Variants in CCDC80 observed in about 807,000 individuals in gnomAD.
CCDC80 encodes the protein coiled-coil domain containing 80.
A neutral mutation model predicts 78.7 loss-of-function variants in CCDC80; 49 were observed. The observed-to-expected ratio is 0.62, with a 90% CI of 0.50 to 0.79. The LOEUF is 0.79. Among genes scored for constraint, CCDC80 ranks in the 30% least tolerant of loss-of-function variants. The pLI is 0.00. For missense variants in CCDC80, 1,205 were observed against 1,198.6 expected (o/e 1.01, Z -0.08); for synonymous variants, 488 against 447.0 (o/e 1.09, Z -1.16).
In CCDC80 at chr3:112,638,096, A is replaced by G; in HGVS notation, c.1810T>C (p.Phe604Leu). 6.2e-7 allele frequency: 1 copy of G among 1,614,064 alleles called. No individual in the cohort carries two copies. Among genetic ancestry groups the G allele is most frequent in the African/African-American group, 1.3e-5 (1 of 75,016 alleles). Residue 604 changes from phenylalanine (F) to leucine (L), a missense_variant, in exon 2 of 8, where the codon TTC becomes CTC. Transcript: ENST00000206423. ...ACTGACTTCTTGGGACTCTGCGTGA[A>G]GTGTTTGTTGGTGGGTTTCTGATAG... ...DGYQKPTNKH[F>L]TQSPKKSVAD...
At chr3:112,615,134 A>C (rs1935708344) in intron 5 of CCDC80, among the ~76,000 whole-genome samples, 1 of 152,208 alleles carries the variant, frequency 6.6e-6, no homozygotes, top group Admixed American at 6.5e-5. Flanking sequence ...ATAGCTAGTA[A>C]GTTACAGACT....
intron 5 of CCDC80, among the ~76,000 whole-genome samples, chr3:112,611,704 G>A (rs1398185454): frequency 2.6e-5 from 4 of 152,176 alleles, no homozygotes; most frequent in African/African-American, 9.7e-5. Context: ...AAAGAGAGAA[G>A]GTATGCATCT....
chr3:112,616,458 AAAAAC>A (rs1283967815), intron 5 of CCDC80, among the ~76,000 whole-genome samples: 11 of 151,632 alleles, frequency 7.3e-5, no homozygotes, highest in Non-Finnish European at 1.3e-4. Flanking sequence ...AGAAAAAAAA[AAAAAC>A]AGAGAAAAGA....
chr3:112,606,398 TTTTTGTTTTGTTTTGTTTTG>T (rs142395604), intron 7 of CCDC80, among the ~76,000 whole-genome samples: 11 of 147,924 alleles, frequency 7.4e-5, no homozygotes, highest in Middle Eastern at 3.5e-3. Context: ...CAAGAGTCTT[TTTTTGTTTTGTTTTGTTTTG>T]TTTTGTTTTG....
At chr3:112,612,692 G>A (rs978001697) in intron 5 of CCDC80, among the ~76,000 whole-genome samples, 27 of 152,148 alleles carry the variant, frequency 1.8e-4, no homozygotes, top group African/African-American at 6.0e-4. Context: ...CCCACTCTTT[G>A]GGGTTTCTGT....
rs761930232 is a variant in CCDC80, at chr3:112,639,267, G to A, written c.639C>T (p.Pro213=). 2.5e-6 allele frequency: 4 copies of A among 1,614,008 alleles called. No homozygotes were observed. In the African/African-American group the frequency reaches 4.0e-5, roughly 16 times the overall value. Residue 213 remains proline (P), a synonymous_variant, in exon 2 of 8, where the codon CCC becomes CCT. Coordinates refer to ENST00000206423, the MANE Select transcript of CCDC80 (RefSeq NM_199511.3). ...ITSEGQILEQ[P]LDPSLIPKLM... is the part of the protein sequence containing the mutation. Reference sequence around the variant, plus strand: ...GCTTAGGGATGAGGCTAGGGTCCAGGGGCTGCTCCAGGATCTGGCCCTCGC... The same window carrying A: ...GCTTAGGGATGAGGCTAGGGTCCAGAGGCTGCTCCAGGATCTGGCCCTCGC...
In CCDC80 at chr3:112,638,110, G is replaced by A; in HGVS notation, c.1796C>T (p.Pro599Leu). The A allele has an allele frequency of 6.2e-7, 1 of 1,614,064 alleles. No homozygotes were observed. Among genetic ancestry groups the A allele is most frequent in the South Asian group, 1.1e-5 (1 of 91,070 alleles). ...GKTEQDGYQK[P>L]TNKHFTQSPK... ...ACTCTGCGTGAAGTGTTTGTTGGTG[G>A]GTTTCTGATAGCCATCCTGTTCTGT... Residue 599 changes from proline (P) to leucine (L), a missense_variant, in exon 2 of 8, where the codon CCC (proline) becomes CTC (leucine). Pro to Leu is a moderately conservative substitution (Grantham distance 98, BLOSUM62 -3). Coordinates refer to ENST00000206423, the MANE Select transcript of CCDC80 (RefSeq NM_199511.3).
chr3:112,623,086 T>C (rs1438836749), intron 3 of CCDC80, among the ~76,000 whole-genome samples: 1 of 152,174 alleles, frequency 6.6e-6, no homozygotes, highest in Non-Finnish European at 1.5e-5. Flanking sequence ...CCTAAGATTA[T>C]TGAGGTGAGG....
At position 112,598,635 on chromosome 3, in the gene CCDC80, C is replaced by G. The variant is rs1406254907; in HGVS notation, c.*6782G>C. The G allele has an allele frequency of 6.6e-6, 1 of 152,278 alleles. No individual in the cohort carries two copies. Among genetic ancestry groups the G allele is most frequent in the African/African-American group, 2.4e-5 (1 of 41,456 alleles). The allele number at this position is 152,278 out of a possible 1,614,324, so 9.4% of individuals were successfully genotyped here. ...TGGAAGGAAAGCACTGACATTTAAG[C>G]TCTGTGCGGTCTGCTCAGGGGCTGC... On this transcript the variant is annotated 3_prime_UTR_variant, in exon 8 of 8. Transcript: ENST00000206423.
rs539351430 is a variant in CCDC80 at position 112,612,515 on chromosome 3, C to T, written c.2322-2434G>A. ...AGATACAAGGTTGCAGCTCATGACA[C>T]GGAAGGAAACTTCCAAAAGATGTAA... is the stretch of plus-strand genomic sequence containing the variant. On this transcript the variant is annotated intron_variant, in intron 5 of 7. Coordinates refer to ENST00000206423, the MANE Select transcript of CCDC80 (RefSeq NM_199511.3). Among the ~76,000 whole-genome samples, 8 of 152,256 alleles carry T rather than the reference C, an allele frequency of 5.3e-5. No individual in the cohort carries two copies. The South Asian group carries it at 1.5e-3, about 28-fold the overall frequency.
chr3:112,609,688 C>G (rs1221690036), intron 6 of CCDC80, among the ~76,000 whole-genome samples: 4 of 148,432 alleles, frequency 2.7e-5, no homozygotes, highest in Non-Finnish European at 4.4e-5. Flanking sequence ...TAAAAAAAAA[C>G]TGAAGATAAA....
intron 3 of CCDC80, among the ~76,000 whole-genome samples, chr3:112,620,633 G>C (rs1248859706): frequency 2.0e-5 from 3 of 152,008 alleles, no homozygotes; most frequent in Non-Finnish European, 4.4e-5. Flanking sequence ...CACAGGAAAA[G>C]GTGAAGTGAA....
At chr3:112,616,141 A>C (rs560304028) in intron 5 of CCDC80, among the ~76,000 whole-genome samples, 5 of 152,248 alleles carry the variant, frequency 3.3e-5, no homozygotes, top group African/African-American at 1.2e-4. Flanking sequence ...CCCCATGGAC[A>C]CTGGGGTTGC....
Position 112,604,665 on chromosome 3 carries a change from G to T in CCDC80, c.*752C>A, listed in dbSNP as rs1226350629. ...CTGTGCTGTACAGGGGGTAAAGTGT[G>T]AGGGGTCAAGAATTTTCATGCCAGA... On this transcript the variant is annotated 3_prime_UTR_variant, in exon 8 of 8. Transcript: ENST00000206423. 1 of 152,246 alleles carries T rather than the reference G, an allele frequency of 6.6e-6. No homozygotes were observed. Among genetic ancestry groups the T allele is most frequent in the East Asian group, 1.9e-4 (1 of 5,208 alleles). 9.4% of individuals were successfully genotyped at this position (152,246 alleles called of 1,614,324 possible).
intron 5 of CCDC80, 79 bp downstream of exon 5, chr3:112,616,631 T>C: frequency 1.3e-6 from 2 of 1,503,384 alleles, no homozygotes; most frequent in Non-Finnish European, 1.8e-6. Context: ...CTGTGGGATC[T>C]GTGTTTCTTT....
Position 112,607,172 on chromosome 3 carries a change from T to C in CCDC80, c.2506+4A>G. 1 of 1,601,644 alleles carries C rather than the reference T, an allele frequency of 6.2e-7. No homozygotes were observed. Among genetic ancestry groups the C allele is most frequent in the Non-Finnish European group, 8.5e-7 (1 of 1,171,246 alleles). The stretch of plus-strand genomic sequence containing the variant: ...CATACTGTTTCAAGATAACAACACA[T>C]TACCATTAATTGGGAACAGTTCTAA... On this transcript the variant is annotated splice_donor_region_variant and intron_variant, in intron 7 of 7. Coordinates refer to ENST00000206423, the MANE Select transcript of CCDC80 (RefSeq NM_199511.3).
In CCDC80 at chr3:112,639,152, C is replaced by G. The variant is rs775543007; in HGVS notation, c.754G>C (p.Val252Leu). ...LQVEERYPYP[V>L]RLEAMYEVID... ...ACCTCGTACATGGCTTCCAGCCTAACGGGATATGGATAGCGCTCCTCCACC... is the reference window on the plus strand; with the variant it reads ...ACCTCGTACATGGCTTCCAGCCTAAGGGGATATGGATAGCGCTCCTCCACC... Residue 252 changes from valine to leucine, a missense_variant, in exon 2 of 8, where the codon GTT becomes CTT. Transcript: ENST00000206423. The G allele has an allele frequency of 6.2e-7, 1 of 1,614,156 alleles. No homozygotes were observed. The highest frequency in any genetic ancestry group is 8.5e-7 in the Non-Finnish European group (1 of 1,180,022).
chr3:112,611,648 C>A (rs1935631110), intron 5 of CCDC80, among the ~76,000 whole-genome samples: 2 of 152,220 alleles, frequency 1.3e-5, no homozygotes, highest in African/African-American at 4.8e-5. Flanking sequence ...TACCCTCAGA[C>A]ACTGATATTT....
intron 3 of CCDC80, among the ~76,000 whole-genome samples, chr3:112,622,039 G>C (rs1490059763): frequency 6.6e-6 from 1 of 152,096 alleles, no homozygotes; most frequent in Non-Finnish European, 1.5e-5. Flanking sequence ...GGAGTGACTT[G>C]CTCAAGTTCA....
Sources: gnomAD v4.1 joint callset for allele counts (sites outside exome capture counted in the v4.1 genomes callset) on GRCh38, gnomAD v4.1.1 for gene constraint, MANE v1.5 for transcripts, NCBI Gene and HGNC (gene_info 2026-07-23, HGNC 2026-07-21) for gene names.